Variants in SPIDR observed in about 807,000 individuals in gnomAD.
The protein encoded by SPIDR is DNA repair-scaffolding protein.
Under a neutral mutation model 104.6 loss-of-function variants are expected in SPIDR, and 93 were observed. The observed-to-expected ratio is 0.89, with a 90% confidence interval of 0.75 to 1.06. The LOEUF is 1.06. Ranked by LOEUF, SPIDR falls within the 50% of genes least tolerant of loss-of-function variation. The pLI, the probability that SPIDR is intolerant of heterozygous loss-of-function variation, is 0.00. For synonymous variants in SPIDR, 431 were observed against 416.9 expected, an observed-to-expected ratio of 1.03 and a Z score of -0.41; for missense variants, 1,154 against 1,111.2, an observed-to-expected ratio of 1.04 and a Z score of -0.55.
rs113759422 is a variant in SPIDR, at chr8:47,592,397, A to G, written c.1098-3414A>G. The G allele has an allele frequency of 5.3e-4, 742 of 1,403,262 alleles. 3 individuals are homozygous for G. In the African/African-American group the frequency reaches 9.3e-3, roughly 18 times the overall value. The allele number at this position is 1,403,262 out of a possible 1,614,324, so 86.9% of individuals were successfully genotyped here. A position where few individuals can be genotyped will look rare whatever the true frequency, so the allele number is the denominator to read the frequency against. On this transcript the variant is annotated intron_variant, in intron 8 of 19. Coordinates refer to ENST00000297423, the MANE Select transcript of SPIDR (RefSeq NM_001080394.4). ...GGATGATAAATTTTGGTCATGAAACATACTGTAGGGGCTGCCATTGAGTAT... is the reference window on the plus strand; with the variant it reads ...GGATGATAAATTTTGGTCATGAAACGTACTGTAGGGGCTGCCATTGAGTAT...
chr8:47,289,725 A>C (rs1314123360), intron 3 of SPIDR, among the ~76,000 whole-genome samples: 1 of 152,206 alleles, frequency 6.6e-6, no homozygotes, highest in South Asian at 2.1e-4. Context: ...CTAAACATGC[A>C]ATTACCATAT....
At chr8:47,657,372 G>A (rs1260609473) in intron 10 of SPIDR, among the ~76,000 whole-genome samples, 1 of 152,136 alleles carries the variant, frequency 6.6e-6, no homozygotes, top group Non-Finnish European at 1.5e-5. Flanking sequence ...TAGAAGAGAG[G>A]ACAGATGAAT....
At chr8:47,321,098 A>G (rs1195002486) in intron 5 of SPIDR, among the ~76,000 whole-genome samples, 2 of 152,202 alleles carry the variant, frequency 1.3e-5, no homozygotes, top group Non-Finnish European at 2.9e-5. Context: ...GGCCAGGGCA[A>G]TCAGGCAGGA....
chr8:47,456,284 G>T (rs1212063013), intron 8 of SPIDR, among the ~76,000 whole-genome samples: 1 of 152,150 alleles, frequency 6.6e-6, no homozygotes, highest in Non-Finnish European at 1.5e-5. Context: ...AAAGTGCCAT[G>T]TGGGGACACA....
intron 8 of SPIDR, among the ~76,000 whole-genome samples, chr8:47,585,868 C>A (rs1001790684): frequency 6.6e-6 from 1 of 152,092 alleles, no homozygotes; most frequent in Non-Finnish European, 1.5e-5. Context: ...AGAGCAGAGC[C>A]CTCATGACCC....
intron 11 of SPIDR, among the ~76,000 whole-genome samples, chr8:47,674,279 T>C (rs939395976): frequency 1.3e-5 from 2 of 152,224 alleles, no homozygotes; most frequent in Non-Finnish European, 2.9e-5. Context: ...GTTGTGTAAA[T>C]GAAAATCTAA....
At chr8:47,384,562 A>G (rs118162144) in intron 5 of SPIDR, among the ~76,000 whole-genome samples, 4,574 of 152,338 alleles carry the variant, frequency 0.03, 133 homozygotes, top group Middle Eastern at 0.092. Context: ...CAATTAGGAA[A>G]ATTCACTTAG....
At chr8:47,270,215 C>T (rs2154213815) in intron 1 of SPIDR, among the ~76,000 whole-genome samples, 1 of 152,218 alleles carries the variant, frequency 6.6e-6, no homozygotes, top group African/African-American at 2.4e-5. Context: ...AGGATAGATA[C>T]TGTTTCTTAA....
At chr8:47,599,242 A>G (rs2061975061) in intron 10 of SPIDR, 46 bp downstream of exon 10, 3 of 1,600,916 alleles carry the variant, frequency 1.9e-6, no homozygotes, top group Admixed American at 1.7e-5. Context: ...AGAGTCACTT[A>G]GACAGAGTGC....
intron 9 of SPIDR, 80 bp from the exon 10 acceptor site, chr8:47,598,866 G>T: frequency 6.4e-7 from 1 of 1,553,750 alleles, no homozygotes; most frequent in South Asian, 1.2e-5. Flanking sequence ...TCATTATTTG[G>T]TGTGCAGCAT....
In SPIDR at chr8:47,692,075, T is replaced by C. The variant is rs2154479733; in HGVS notation, c.1686-8328T>C. ...AATCATTAAGCAGAGTTCAAGAAAG[T>C]ATAGCAATGGAAGTATTTCAGGTCA... is the stretch of plus-strand genomic sequence containing the variant. On this transcript the variant is annotated intron_variant, in intron 11 of 19. Transcript: ENST00000297423. Among the ~76,000 whole-genome samples the C allele has an allele frequency of 1.3e-5, 2 of 152,312 alleles. 1 individual carries two copies. The highest frequency in any genetic ancestry group is 1.3e-4 in the Admixed American group (2 of 15,292).
intron 8 of SPIDR, among the ~76,000 whole-genome samples, chr8:47,587,583 C>G (rs541289376): frequency 3.7e-4 from 54 of 146,820 alleles, no homozygotes; most frequent in Admixed American, 1.2e-3. Context: ...GCACTCCAGC[C>G]TGGGCGACAG....
intron 1 of SPIDR, among the ~76,000 whole-genome samples, chr8:47,271,910 C>T (rs1412501039): frequency 1.3e-5 from 2 of 152,174 alleles, no homozygotes; most frequent in African/African-American, 4.8e-5. Context: ...GCCTCAGCCT[C>T]CTGCCTCAGC....
intron 1 of SPIDR, among the ~76,000 whole-genome samples, chr8:47,272,278 C>T (rs1429648917): frequency 3.3e-5 from 5 of 152,068 alleles, no homozygotes; most frequent in Admixed American, 2.6e-4. Context: ...ATAATTTTTG[C>T]TTGAAAACTG....
chr8:47,467,399 A>G (rs1014450414), intron 8 of SPIDR, among the ~76,000 whole-genome samples: 1 of 152,194 alleles, frequency 6.6e-6, no homozygotes, highest in Non-Finnish European at 1.5e-5. Context: ...AACCTGGCAC[A>G]GACACAACAA....
At chr8:47,654,093 G>C (rs948914621) in intron 10 of SPIDR, 6 of 1,289,730 alleles carry the variant, frequency 4.7e-6, no homozygotes, top group Admixed American at 2.3e-5. Context: ...GCCCCACCAT[G>C]TGTGTACCAA....
At chr8:47,616,016 T>C (rs2064260257) in intron 10 of SPIDR, among the ~76,000 whole-genome samples, 1 of 152,224 alleles carries the variant, frequency 6.6e-6, no homozygotes, top group Non-Finnish European at 1.5e-5. Context: ...CTTATTTTTG[T>C]TTGTTGATCT....
At chr8:47,713,965 G>A (rs1437839369) in intron 16 of SPIDR, among the ~76,000 whole-genome samples, 2 of 152,150 alleles carry the variant, frequency 1.3e-5, no homozygotes, top group African/African-American at 2.4e-5. Context: ...GCATAGATGA[G>A]ACTACTTAGG....
Position 47,686,765 on chromosome 8 carries a change from A to G in SPIDR, c.1685+12824A>G, listed in dbSNP as rs575775322. On this transcript the variant is annotated intron_variant, in intron 11 of 19. Coordinates refer to ENST00000297423, the MANE Select transcript of SPIDR (RefSeq NM_001080394.4). ...ATTTATAACCCCTGGCCCTCAAAATAAAAATCTGATTATTTCTTGTCAGTG... is the reference window on the plus strand; with the variant it reads ...ATTTATAACCCCTGGCCCTCAAAATGAAAATCTGATTATTTCTTGTCAGTG... Among the ~76,000 whole-genome samples the G allele has an allele frequency of 4.6e-3, 694 of 152,354 alleles. 5 individuals carry two copies. Among genetic ancestry groups the G allele is most frequent in the African/African-American group, 0.016 (658 of 41,574 alleles).
Sources: gnomAD v4.1 joint callset for allele counts (sites outside exome capture counted in the v4.1 genomes callset) on GRCh38, gnomAD v4.1.1 for gene constraint, MANE v1.5 for transcripts, NCBI Gene and HGNC (gene_info 2026-07-23, HGNC 2026-07-21) for gene names.